DMD: variants seen among roughly 807,000 people sequenced by gnomAD.
DMD encodes mutant dystrophin.
Under a neutral mutation model 330.1 loss-of-function variants are expected in DMD, and 63 were observed. That is an observed-to-expected ratio of 0.19 (90% CI 0.16 to 0.24). The LOEUF is 0.24. DMD is among the 10% of genes least tolerant of loss of function. The pLI, the probability that DMD is intolerant of heterozygous loss-of-function variation, is 1.00. For missense variants in DMD, 3,344 were observed against 2,684.1 expected (o/e 1.25, Z -5.43); for synonymous variants, 1,223 against 959.8 (o/e 1.27, Z -5.07).
chrX:32,350,712 T>C (rs1454062804), intron 37 of DMD, among the ~76,000 whole-genome samples: 1 of 111,310 alleles, frequency 9.0e-6, no homozygotes, highest in African/African-American at 3.3e-5. Context: ...TTCATTATGC[T>C]ATTTATTTGC....
At chrX:32,754,583 C>G (rs1233228547) in intron 7 of DMD, among the ~76,000 whole-genome samples, 1 of 109,937 alleles carries the variant, frequency 9.1e-6, no homozygotes, top group Non-Finnish European at 1.9e-5. Flanking sequence ...AAAGTATGAT[C>G]TCTTCAACCT....
At chrX:32,470,020 C>T (rs902440640) in intron 22 of DMD, among the ~76,000 whole-genome samples, 1 of 111,527 alleles carries the variant, frequency 9.0e-6, no homozygotes, top group Non-Finnish European at 1.9e-5. Context: ...ATTGAATTTA[C>T]ATTTCCAGCA....
chrX:32,074,074 C>T (rs2096323614), intron 44 of DMD, among the ~76,000 whole-genome samples: 1 of 111,267 alleles, frequency 9.0e-6, no homozygotes. Context: ...CAAACTTTTT[C>T]ATTTTATAAA....
chrX:31,828,320 C>T (rs1035665355), intron 49 of DMD, among the ~76,000 whole-genome samples: 2 of 111,402 alleles, frequency 1.8e-5, no homozygotes, highest in African/African-American at 6.5e-5. Context: ...GAAATGGATA[C>T]ATTCCTGGAA....
intron 62 of DMD, among the ~76,000 whole-genome samples, chrX:31,307,606 C>A (rs2055140448): frequency 9.0e-6 from 1 of 111,108 alleles, no homozygotes. Context: ...ACCAAAAAAA[C>A]CCCAAAAAAC....
intron 7 of DMD, among the ~76,000 whole-genome samples, chrX:32,740,462 A>G (rs2069108179): frequency 9.0e-6 from 1 of 110,742 alleles, no homozygotes; most frequent in Admixed American, 9.7e-5. Context: ...AGGATCATAT[A>G]TTGTCACATA....
chrX:31,736,242 G>C (rs1020659905), intron 51 of DMD, among the ~76,000 whole-genome samples: 1 of 111,953 alleles, frequency 8.9e-6, no homozygotes, highest in African/African-American at 3.2e-5. Context: ...CAGTTATGAA[G>C]CTAAAAAATG....
chrX:32,639,837 C>A (rs192943306), intron 11 of DMD, among the ~76,000 whole-genome samples: 1 of 110,177 alleles, frequency 9.1e-6, no homozygotes, highest in Non-Finnish European at 1.9e-5. Flanking sequence ...ACAAAATAAC[C>A]ACAGCTATAC....
chrX:31,610,086 T>TCTCCCTCTCTCCTTTCTATC lies in DMD; in HGVS notation c.8217+17567_8217+17586dup, dbSNP rs1461837384. 1.8e-4 allele frequency among the ~76,000 whole-genome samples: 20 copies of TCTCCCTCTCTCCTTTCTATC among 109,799 alleles called. No individual in the cohort carries two copies. The East Asian group carries it at 4.9e-3, about 27-fold the overall frequency. On this transcript the variant is annotated intron_variant, in intron 55 of 78. Transcript: ENST00000357033. ...CCCATTCTCCCTCTGTCCTTCCTGT[T>TCTCCCTCTCTCCTTTCTATC]CTCCCTCTCTCCTTTCTATCCTCCC...
At chrX:33,089,006 G>T (rs2095048247) in intron 1 of DMD, among the ~76,000 whole-genome samples, 1 of 109,636 alleles carries the variant, frequency 9.1e-6, no homozygotes, top group African/African-American at 3.3e-5. Flanking sequence ...GAAGTTGGCG[G>T]GTTCAAACGA....
chrX:32,401,124 T>G (rs2098083256), intron 30 of DMD, among the ~76,000 whole-genome samples: 1 of 94,070 alleles, frequency 1.1e-5, no homozygotes, highest in Non-Finnish European at 2.0e-5. Flanking sequence ...AGGTGGGAAT[T>G]GAACAATGAG....
At chrX:32,817,220 A>G (rs945881057) in intron 5 of DMD, among the ~76,000 whole-genome samples, 3 of 111,348 alleles carry the variant, frequency 2.7e-5, no homozygotes, top group East Asian at 2.8e-4. Context: ...AACGCAAGCT[A>G]TATTTATTGG....
At chrX:31,131,714 T>TAC (rs1209708611) in intron 77 of DMD, among the ~76,000 whole-genome samples, 2 of 111,924 alleles carry the variant, frequency 1.8e-5, no homozygotes, top group African/African-American at 6.5e-5. Context: ...TATGTGTGTG[T>TAC]ACACACACAT....
chrX:32,633,161 T>C (rs1223641469), intron 11 of DMD, among the ~76,000 whole-genome samples: 2 of 112,107 alleles, frequency 1.8e-5, no homozygotes, highest in Non-Finnish European at 1.9e-5. Context: ...TCTTATTTCT[T>C]TGCTCCTGCA....
intron 17 of DMD, among the ~76,000 whole-genome samples, chrX:32,542,897 A>G (rs2148946647): frequency 8.9e-6 from 1 of 111,811 alleles, no homozygotes; most frequent in East Asian, 2.8e-4. Flanking sequence ...TGCTATATAT[A>G]ATTATGCTGG....
At chrX:32,496,983 T>C (rs757785153) in intron 19 of DMD, among the ~76,000 whole-genome samples, 1 of 112,063 alleles carries the variant, frequency 8.9e-6, no homozygotes, top group African/African-American at 3.2e-5. Context: ...ATACAGACTA[T>C]TTGCAATATG....
intron 55 of DMD, among the ~76,000 whole-genome samples, chrX:31,549,371 G>A (rs749429144): frequency 5.4e-5 from 6 of 110,924 alleles, no homozygotes; most frequent in Non-Finnish European, 1.1e-4. Context: ...AATGGCCAAG[G>A]TCTATGCAAA....
At chrX:32,968,006 A>C (rs966526630) in intron 2 of DMD, among the ~76,000 whole-genome samples, 1 of 112,029 alleles carries the variant, frequency 8.9e-6, no homozygotes, top group African/African-American at 3.2e-5. Context: ...ATCTTCCAGT[A>C]AATTCTTCTT....
intron 42 of DMD, among the ~76,000 whole-genome samples, chrX:32,306,357 A>G (rs980469816): frequency 9.0e-6 from 1 of 111,145 alleles, no homozygotes; most frequent in Non-Finnish European, 1.9e-5. Context: ...ACCTGGCTTC[A>G]CACTATCTTT....
Sources: allele counts gnomAD v4.1 joint callset (sites outside exome capture counted in the v4.1 genomes callset), GRCh38; gene constraint gnomAD v4.1.1; transcripts MANE v1.5; gene names NCBI Gene and HGNC (gene_info 2026-07-23, HGNC 2026-07-21).